The following DNM2 variants were observed in gnomAD, a reference collection of about 807,000 sequenced individuals.
The protein encoded by DNM2 is dynamin-2.
DNM2 carries 15 observed loss-of-function variants against 99.0 expected under a neutral mutation model. That is an observed-to-expected ratio of 0.15 (90% CI 0.10 to 0.23). The LOEUF (loss-of-function observed/expected upper bound fraction) is 0.23. DNM2 is among the 10% of genes least tolerant of loss of function. The pLI, the probability that DNM2 is intolerant of heterozygous loss-of-function variation, is 1.00. For missense variants in DNM2, 742 were observed against 1,189.4 expected, an observed-to-expected ratio of 0.62 and a Z score of 5.53; for synonymous variants, 525 against 481.2, an observed-to-expected ratio of 1.09 and a Z score of -1.19.
intron 18 of DNM2, 68 bp from the exon 19 acceptor site, chr19:10,828,968 C>T: frequency 1.3e-6 from 2 of 1,509,732 alleles, no homozygotes; most frequent in Non-Finnish European, 1.8e-6. Context: ...GATGTTTTTC[C>T]AGCAGTCACT....
chr19:10,759,792 G>A lies in DNM2; in HGVS notation c.216G>A (p.Gln72=), dbSNP rs368075301. The change falls in exon 2 of 21, where the codon CAG becomes CAA. Residue 72 remains glutamine (Q), a synonymous_variant. Transcript: ENST00000389253. ...TCACCCGGCGGCCTCTCATTCTGCA[G>A]CTCATCTTCTCAAAAACAGGTAAAA... ...GIVTRRPLIL[Q]LIFSKTEHAE... is the part of the protein sequence containing the mutation. The A allele has an allele frequency of 2.0e-5, 33 of 1,614,000 alleles. 1 individual carries two copies. The highest frequency in any genetic ancestry group is 2.8e-5 in the Non-Finnish European group (33 of 1,180,032).
intron 5 of DNM2, among the ~76,000 whole-genome samples, chr19:10,779,502 C>CTTTTTTTTTTTTTTTTTTTTTTTTTTT (rs55819116): frequency 5.7e-4 from 17 of 29,600 alleles, no homozygotes; most frequent in African/African-American, 8.4e-4. Context: ...TTCTTTCTTT[C>CTTTTTTTTTTTTTTTTTTTTTTTTTTT]TTTTTTTTTT....
At chr19:10,746,609 G>T (rs1162117607) in intron 1 of DNM2, among the ~76,000 whole-genome samples, 1 of 151,600 alleles carries the variant, frequency 6.6e-6, no homozygotes, top group Non-Finnish European at 1.5e-5. Flanking sequence ...TAGTAGAGAC[G>T]GGGTTTCTCC....
chr19:10,828,220 C>T (rs915763724), intron 18 of DNM2, among the ~76,000 whole-genome samples: 14 of 151,466 alleles, frequency 9.2e-5, no homozygotes, highest in Non-Finnish European at 8.8e-5. Flanking sequence ...ACCCAGGAGA[C>T]GCAGGTTGCA....
At chr19:10,809,850 G>A (rs2072479237) in intron 14 of DNM2, 1 of 152,348 alleles carries the variant, frequency 6.6e-6, no homozygotes, top group Admixed American at 6.5e-5. Context: ...CCAGGGCCTG[G>A]GTGTGCAGAT....
intron 13 of DNM2, 144 bp downstream of exon 13, chr19:10,806,111 C>A: frequency 9.8e-7 from 1 of 1,023,204 alleles, no homozygotes; most frequent in Non-Finnish European, 1.5e-6. Flanking sequence ...CTCTAGAGGC[C>A]ACTTAGGAAT....
intron 2 of DNM2, among the ~76,000 whole-genome samples, chr19:10,767,778 C>T (rs1303546044): frequency 1.3e-5 from 2 of 152,124 alleles, no homozygotes; most frequent in Non-Finnish European, 2.9e-5. Flanking sequence ...TGGTGGCATG[C>T]GCCTATAATC....
intron 5 of DNM2, among the ~76,000 whole-genome samples, chr19:10,779,120 C>T (rs951753841): frequency 2.0e-5 from 3 of 150,622 alleles, no homozygotes; most frequent in Non-Finnish European, 4.4e-5. Context: ...GAGGCTGAGG[C>T]AGGAGAATCG....
At chr19:10,786,844 C>T in intron 7 of DNM2, 138 bp downstream of exon 7, 1 of 1,502,930 alleles carries the variant, frequency 6.7e-7, no homozygotes, top group South Asian at 1.2e-5. Flanking sequence ...CTTCTGCGTG[C>T]CAGGCTCCAT....
Position 10,802,276 on chromosome 19 carries a change from G to A in DNM2, c.1423-12G>A, listed in dbSNP as rs376753915. The A allele has an allele frequency of 2.6e-4, 421 of 1,614,020 alleles. 1 individual carries two copies. Among genetic ancestry groups the A allele is most frequent in the Non-Finnish European group, 3.3e-4 (393 of 1,179,998 alleles). On this transcript the variant is annotated splice_polypyrimidine_tract_variant and intron_variant, in intron 11 of 20. Coordinates refer to ENST00000389253, the MANE Select transcript of DNM2 (RefSeq NM_001005361.3). The stretch of plus-strand genomic sequence containing the variant: ...TGGCCTTGTACTCACAGTGACCCCC[G>A]CTCTCCCCCAGATTCTTCTGCTGAT...
intron 1 of DNM2, among the ~76,000 whole-genome samples, chr19:10,758,805 C>A (rs765737109): frequency 6.6e-6 from 1 of 152,120 alleles, no homozygotes; most frequent in Non-Finnish European, 1.5e-5. Flanking sequence ...CCTCGGCCTC[C>A]CCAAAGTGCT....
At position 10,746,735 on chromosome 19, in the gene DNM2, T is replaced by TG. The variant is rs1203845404; in HGVS notation, c.162-13003_162-13002insG. Among the ~76,000 whole-genome samples, 287 of 108,906 alleles carry TG rather than the reference T, an allele frequency of 2.6e-3. 9 individuals are homozygous for TG. Among genetic ancestry groups the TG allele is most frequent in the African/African-American group, 8.7e-3 (217 of 24,946 alleles). The allele number at this position is 108,906 out of a possible 152,430, so 71.4% of individuals were successfully genotyped here. On this transcript the variant is annotated intron_variant, in intron 1 of 20. Transcript: ENST00000389253. ...GTGCCGGCTTTTTTTTTGTTTTTTGTTTTTTTTTTTTTTGAGACAGTCTCA... is the reference window on the plus strand; with the variant it reads ...GTGCCGGCTTTTTTTTTGTTTTTTGTGTTTTTTTTTTTTTGAGACAGTCTCA...
intron 11 of DNM2, among the ~76,000 whole-genome samples, chr19:10,799,275 C>T (rs2072046846): frequency 6.6e-6 from 1 of 152,108 alleles, no homozygotes; most frequent in South Asian, 2.1e-4. Flanking sequence ...CCACCACCAG[C>T]CCGCTCCCTA....
chr19:10,830,996 G>T lies in DNM2; in HGVS notation c.2562G>T (p.Ala854=). 1 of 1,610,420 alleles carries T rather than the reference G, an allele frequency of 6.2e-7. No homozygotes were observed. Among genetic ancestry groups the T allele is most frequent in the Non-Finnish European group, 8.5e-7 (1 of 1,178,668 alleles). The change falls in exon 21 of 21, where the codon GCG becomes GCT. Residue 854 remains alanine (A), a synonymous_variant. Transcript: ENST00000389253. This position sits in a 1 kb window ranked among gnomAD's most constrained non-coding sequence, Gnocchi z 4.8. The part of the protein sequence containing the change: ...PGVPSRRPPA[A]PSRPTIIRPA... ...TTTGCAGCAGAAGACCCCCTGCTGC[G>T]CCCAGCCGGCCCACCATTATCCGCC...
At chr19:10,758,258 C>T (rs1446249272) in intron 1 of DNM2, among the ~76,000 whole-genome samples, 5 of 150,648 alleles carry the variant, frequency 3.3e-5, no homozygotes, top group African/African-American at 1.2e-4. Flanking sequence ...TCCTTCCCTC[C>T]TTCCTTCCCT....
In DNM2 at chr19:10,831,188, G is replaced by A. The variant is rs778564338; in HGVS notation, c.*141G>A. 5.6e-5 allele frequency: 79 copies of A among 1,405,750 alleles called. No individual in the cohort carries two copies. Among genetic ancestry groups the A allele is most frequent in the Non-Finnish European group, 6.6e-5 (72 of 1,083,566 alleles). The allele number at this position is 1,405,750 out of a possible 1,614,324, so 87.1% of individuals were successfully genotyped here. On this transcript the variant is annotated 3_prime_UTR_variant, in exon 21 of 21. Transcript: ENST00000389253. This position sits in a 1 kb window ranked among gnomAD's most constrained non-coding sequence, Gnocchi z 4.3. ...TGGCCTCTTCCTTAACGCTGGCCCC[G>A]GTCCAGGGCCGGCCCCTGTGCCTGG...
intron 2 of DNM2, chr19:10,763,357 T>A (rs1460849629): frequency 3.3e-5 from 5 of 152,306 alleles, no homozygotes; most frequent in Admixed American, 6.5e-5. Flanking sequence ...ATTGCAGGTA[T>A]GAGCTACCGC....
intron 1 of DNM2, among the ~76,000 whole-genome samples, chr19:10,723,486 C>T (rs2069010890): frequency 6.6e-6 from 1 of 151,958 alleles, no homozygotes; most frequent in African/African-American, 2.4e-5. Context: ...CAGGCTGGTT[C>T]CAAACTCCTG....
intron 18 of DNM2, among the ~76,000 whole-genome samples, chr19:10,827,726 G>T (rs544451169): frequency 1.3e-5 from 2 of 151,810 alleles, no homozygotes; most frequent in South Asian, 4.2e-4. Flanking sequence ...AAAATTAGCT[G>T]GGCGTGGTGG....
Sources: gnomAD v4.1 joint callset for allele counts (sites outside exome capture counted in the v4.1 genomes callset) on GRCh38, gnomAD v4.1.1 for gene constraint, Gnocchi (gnomAD v3.1) non-coding constraint, MANE v1.5 for transcripts, NCBI Gene and HGNC (gene_info 2026-07-23, HGNC 2026-07-21) for gene names.